Variants in LRP1B observed in about 807,000 individuals in gnomAD.
LRP1B encodes the protein LDL receptor related protein 1B, also known as low-density lipoprotein receptor-related protein 1B.
LRP1B carries 217 observed loss-of-function variants against 556.6 expected under a neutral mutation model. The ratio of observed to expected loss-of-function variants is 0.39; its 90% CI spans 0.35 to 0.44. The LOEUF is 0.44. Among genes scored for constraint, LRP1B ranks in the 20% least tolerant of loss-of-function variants. LRP1B has a pLI of 1.00. For synonymous variants in LRP1B, 2,047 were observed against 1,865.8 expected, an observed-to-expected ratio of 1.10 and a Z score of -2.50; for missense variants, 5,053 against 5,620.8, an observed-to-expected ratio of 0.90 and a Z score of 3.23.
intron 79 of LRP1B, among the ~76,000 whole-genome samples, chr2:140,331,613 G>A (rs1236933750): frequency 6.6e-6 from 1 of 151,216 alleles, no homozygotes; most frequent in Non-Finnish European, 1.5e-5. Context: ...CTGTACATTG[G>A]AGCCCCTGGC....
chr2:141,686,872 A>C (rs1400642964), intron 2 of LRP1B, among the ~76,000 whole-genome samples: 3 of 151,942 alleles, frequency 2.0e-5, no homozygotes, highest in Non-Finnish European at 4.4e-5. Flanking sequence ...GCAGGTTAGC[A>C]TGCTCAGCCC....
intron 78 of LRP1B, 81 bp from the exon 79 acceptor site, chr2:140,334,640 C>G (rs1680978373): frequency 1.5e-6 from 1 of 686,518 alleles, no homozygotes. Context: ...AGTGGCTCTT[C>G]AGACCACGTG....
At chr2:142,033,490 C>A (rs990603680) in intron 1 of LRP1B, among the ~76,000 whole-genome samples, 1 of 151,644 alleles carries the variant, frequency 6.6e-6, no homozygotes, top group South Asian at 2.1e-4. Flanking sequence ...CCTGACTATC[C>A]CCCCACCCTC....
intron 3 of LRP1B, among the ~76,000 whole-genome samples, chr2:141,410,689 A>T (rs933051313): frequency 6.6e-6 from 1 of 152,028 alleles, no homozygotes; most frequent in African/African-American, 2.4e-5. Context: ...AATTTGTCCT[A>T]TATTGTGATT....
intron 2 of LRP1B, among the ~76,000 whole-genome samples, chr2:141,763,656 A>G (rs546763040): frequency 2.3e-4 from 35 of 152,284 alleles, no homozygotes; most frequent in African/African-American, 8.4e-4. Flanking sequence ...TGGTGTAAGA[A>G]AAATAGTGTT....
chr2:140,368,834 A>C (rs1391985280), intron 71 of LRP1B, among the ~76,000 whole-genome samples: 4 of 151,826 alleles, frequency 2.6e-5, no homozygotes, highest in Admixed American at 2.0e-4. Context: ...CCTGGGAGTA[A>C]ATTAAATACT....
intron 41 of LRP1B, among the ~76,000 whole-genome samples, chr2:140,620,178 C>G (rs1274528065): frequency 1.3e-5 from 2 of 152,036 alleles, no homozygotes; most frequent in South Asian, 2.1e-4. Flanking sequence ...TTAATAAAGA[C>G]AGAAAAGTTA....
chr2:141,978,769 AT>A (rs1285567690), intron 1 of LRP1B, among the ~76,000 whole-genome samples: 1 of 151,982 alleles, frequency 6.6e-6, no homozygotes, highest in Non-Finnish European at 1.5e-5. Flanking sequence ...ATGCTAGCTT[AT>A]TTGATCCAGA....
chr2:140,892,759 AGT>A (rs1209875446), intron 23 of LRP1B, among the ~76,000 whole-genome samples: 1 of 152,144 alleles, frequency 6.6e-6, no homozygotes, highest in African/African-American at 2.4e-5. Context: ...GGGCAACTTG[AGT>A]GTATTGATAT....
chr2:141,485,398 G>A (rs558981882), intron 2 of LRP1B, among the ~76,000 whole-genome samples: 4 of 152,230 alleles, frequency 2.6e-5, no homozygotes, highest in South Asian at 2.1e-4. Context: ...CCCAGGCCCC[G>A]GTAATTAGCC....
At chr2:141,690,812 T>C (rs946979135) in intron 2 of LRP1B, among the ~76,000 whole-genome samples, 1 of 151,726 alleles carries the variant, frequency 6.6e-6, no homozygotes, top group Non-Finnish European at 1.5e-5. Flanking sequence ...CTGAGCTAAT[T>C]TGCATTCAGC....
intron 7 of LRP1B, among the ~76,000 whole-genome samples, chr2:141,164,260 G>A (rs1680157691): frequency 6.6e-6 from 1 of 151,776 alleles, no homozygotes; most frequent in South Asian, 2.1e-4. Flanking sequence ...TTCTTAATTA[G>A]TGTCAGGTAT....
At chr2:141,365,655 CTTT>C (rs781538829) in intron 3 of LRP1B, among the ~76,000 whole-genome samples, 2 of 121,146 alleles carry the variant, frequency 1.7e-5, no homozygotes, top group Non-Finnish European at 3.3e-5. Flanking sequence ...GTTTTTGTTG[CTTT>C]TTTTTTTTTT....
chr2:141,352,792 T>A (rs1688491031), intron 3 of LRP1B, among the ~76,000 whole-genome samples: 1 of 151,946 alleles, frequency 6.6e-6, no homozygotes, highest in African/African-American at 2.4e-5. Context: ...TAAATCATGA[T>A]CTATAATTAT....
chr2:141,827,567 T>A (rs1028286936), intron 1 of LRP1B, among the ~76,000 whole-genome samples: 1 of 152,084 alleles, frequency 6.6e-6, no homozygotes, highest in Admixed American at 6.6e-5. Flanking sequence ...GACATCAGAC[T>A]ACTCCTTCAA....
At chr2:140,518,372 T>A (rs1016037688) in intron 49 of LRP1B, among the ~76,000 whole-genome samples, 2 of 152,188 alleles carry the variant, frequency 1.3e-5, no homozygotes, top group Non-Finnish European at 2.9e-5. Context: ...GCATGTCCCT[T>A]TCTTTCTTAC....
intron 41 of LRP1B, among the ~76,000 whole-genome samples, chr2:140,682,076 A>C (rs1386561081): frequency 6.6e-6 from 1 of 152,196 alleles, no homozygotes; most frequent in Non-Finnish European, 1.5e-5. Flanking sequence ...TATTATTTTC[A>C]GAAAATATTA....
intron 1 of LRP1B, among the ~76,000 whole-genome samples, chr2:142,008,454 G>C (rs1702861880): frequency 6.6e-6 from 1 of 151,958 alleles, no homozygotes; most frequent in African/African-American, 2.4e-5. Flanking sequence ...TGATTTCTCT[G>C]GATACATGGG....
At chr2:141,297,972 A>G (rs891080078) in intron 3 of LRP1B, among the ~76,000 whole-genome samples, 6 of 152,216 alleles carry the variant, frequency 3.9e-5, no homozygotes, top group African/African-American at 1.4e-4. Flanking sequence ...ACACTCTGTA[A>G]TGTTCACACA....
Sources: gnomAD v4.1 joint callset for allele counts (sites outside exome capture counted in the v4.1 genomes callset) on GRCh38, gnomAD v4.1.1 for gene constraint, MANE v1.5 for transcripts, NCBI Gene and HGNC (gene_info 2026-07-23, HGNC 2026-07-21) for gene names.